Variants in TF observed in about 807,000 individuals in gnomAD.
TF encodes the protein transferrin, also known as serotransferrin.
Under a neutral mutation model 82.4 loss-of-function variants are expected in TF, and 55 were observed. The ratio of observed to expected loss-of-function variants is 0.67; its 90% CI spans 0.54 to 0.84. TF has a LOEUF of 0.84. TF is among the 40% of genes least tolerant of loss of function. The pLI, the probability that TF is intolerant of heterozygous loss-of-function variation, is 0.00. For synonymous variants in TF, 332 were observed against 332.6 expected (o/e 1.00, Z 0.02); for missense variants, 737 against 868.4 (o/e 0.85, Z 1.90).
the TF span, among the ~76,000 whole-genome samples, chr3:133,686,000 A>T: frequency 6.6e-5 from 10 of 152,212 alleles, no homozygotes; most frequent in Admixed American, 5.2e-4. Flanking sequence ...CAAAAGAGAG[A>T]TATAGACCAA....
At chr3:133,669,362 G>A in the TF span, among the ~76,000 whole-genome samples, 1 of 152,152 alleles carries the variant, frequency 6.6e-6, no homozygotes, top group Non-Finnish European at 1.5e-5. Flanking sequence ...GAGAAGGCTT[G>A]TCTAAAAGTC....
At chr3:133,737,201 G>A in the TF span, among the ~76,000 whole-genome samples, 3 of 152,194 alleles carry the variant, frequency 2.0e-5, no homozygotes, top group Non-Finnish European at 4.4e-5. Flanking sequence ...TGAGCAACCT[G>A]TTCCTGAATG....
chr3:133,699,206 T>G, the TF span, among the ~76,000 whole-genome samples: 3 of 152,234 alleles, frequency 2.0e-5, no homozygotes, highest in Admixed American at 2.0e-4. Flanking sequence ...AGCCAGGCAG[T>G]TGGAGGGCCC....
chr3:133,767,456 C>T (rs1281292443), intron 12 of TF, among the ~76,000 whole-genome samples: 1 of 152,186 alleles, frequency 6.6e-6, no homozygotes, highest in African/African-American at 2.4e-5. Flanking sequence ...TACCAGGGTG[C>T]TTTGTGACAC....
upstream of TF, chr3:133,745,866 T>C (rs760807532): frequency 1.8e-4 from 28 of 157,074 alleles, no homozygotes; most frequent in Non-Finnish European, 3.8e-4. Context: ...AGGAGCAGGA[T>C]TTCGAGGGAC....
chr3:133,685,910 A>G, the TF span, among the ~76,000 whole-genome samples: 5 of 152,242 alleles, frequency 3.3e-5, no homozygotes, highest in Non-Finnish European at 4.4e-5. Context: ...AGCGAAAAGA[A>G]CAAAGCTGGA....
chr3:133,685,079 A>G, the TF span, among the ~76,000 whole-genome samples: 6 of 152,230 alleles, frequency 3.9e-5, no homozygotes, highest in East Asian at 1.2e-3. Flanking sequence ...AATCCATCAT[A>G]TAAACAGAAC....
chr3:133,734,803 TAAA>T, the TF span, among the ~76,000 whole-genome samples: 3 of 145,174 alleles, frequency 2.1e-5, no homozygotes, highest in South Asian at 2.2e-4. Flanking sequence ...GAGAGTTTCT[TAAA>T]AAAAAAAAAA....
At chr3:133,713,977 G>A in the TF span, among the ~76,000 whole-genome samples, 1 of 152,234 alleles carries the variant, frequency 6.6e-6, no homozygotes, top group East Asian at 1.9e-4. Context: ...CCAACTGTAA[G>A]TGCTACTGAG....
the TF span, among the ~76,000 whole-genome samples, chr3:133,691,109 T>A: frequency 0.1 from 15,395 of 152,022 alleles, 809 homozygotes; most frequent in Middle Eastern, 0.18. Context: ...ATTCAGAAAA[T>A]CTCAAGTTGC....
At chr3:133,665,467 C>A in the TF span, among the ~76,000 whole-genome samples, 46 of 123,862 alleles carry the variant, frequency 3.7e-4, no homozygotes, top group Middle Eastern at 4.0e-3. Flanking sequence ...GACCCTATCT[C>A]AAAAAAAAAA....
the TF span, among the ~76,000 whole-genome samples, chr3:133,693,690 A>G: frequency 6.6e-6 from 1 of 152,152 alleles, no homozygotes; most frequent in South Asian, 2.1e-4. Flanking sequence ...AAGCTGTCCC[A>G]ACTTTTCCAG....
intron 2 of TF, among the ~76,000 whole-genome samples, chr3:133,752,237 C>A (rs1294836260): frequency 6.6e-6 from 1 of 151,856 alleles, no homozygotes; most frequent in Admixed American, 6.6e-5. Context: ...GTATTACAGG[C>A]ATGTGCCACC....
Position 133,748,576 on chromosome 3 carries a change from G to A in TF, c.208G>A (p.Ala70Thr), listed in dbSNP as rs1194602299. ...KKASYLDCIR[A>T]IAANEADAVT... ...AGCCTCCTACCTTGATTGCATCAGG[G>A]CCATTGCGGTAAGTCGCTGCTGCCT... The change falls in exon 2 of 17, where the codon GCC (alanine) becomes ACC (threonine). Residue 70 changes from alanine to threonine, a missense_variant. Transcript: ENST00000402696. The A allele has an allele frequency of 1.2e-6, 2 of 1,614,116 alleles. No homozygotes were observed. Among genetic ancestry groups the A allele is most frequent in the South Asian group, 1.1e-5 (1 of 91,084 alleles).
At chr3:133,759,723 G>T (rs763230924) in intron 9 of TF, among the ~76,000 whole-genome samples, 1 of 152,152 alleles carries the variant, frequency 6.6e-6, no homozygotes, top group Non-Finnish European at 1.5e-5. Context: ...TGGCATGGTG[G>T]CATGCACCTG....
chr3:133,727,054 T>G, the TF span, among the ~76,000 whole-genome samples: 85 of 152,358 alleles, frequency 5.6e-4, 1 homozygote, highest in African/African-American at 2.0e-3. Flanking sequence ...CTTTTACATT[T>G]GCTGAGAACT....
the TF span, among the ~76,000 whole-genome samples, chr3:133,703,022 C>T: frequency 1.3e-5 from 2 of 152,112 alleles, no homozygotes; most frequent in Non-Finnish European, 2.9e-5. Context: ...AATAATGAAA[C>T]ACTCATTTAA....
At position 133,767,886 on chromosome 3, in the gene TF, C is replaced by T. The variant is rs559792084; in HGVS notation, c.1487-143C>T. On this transcript the variant is annotated intron_variant, in intron 12 of 16. Transcript: ENST00000402696. The stretch of plus-strand genomic sequence containing the variant: ...TTCCCCTTTAAAGCCTATAGCCTGG[C>T]AAGTCCTGGGTTGGTGGTGGCTGGT... The T allele has an allele frequency of 4.1e-5, 41 of 1,000,004 alleles. No individual in the cohort carries two copies. In the Middle Eastern group the frequency reaches 1.0e-3, roughly 26 times the overall value. 61.9% of individuals were successfully genotyped at this position (1,000,004 alleles called of 1,614,324 possible). A position where few individuals can be genotyped will look rare whatever the true frequency, so the allele number is the denominator to read the frequency against.
chr3:133,759,360 T>G (rs779687949), intron 9 of TF, 31 bp downstream of exon 9: 1 of 1,611,430 alleles, frequency 6.2e-7, no homozygotes, highest in African/African-American at 1.3e-5. Flanking sequence ...TAGGGCAGCG[T>G]CCCTGTCATT....
Sources: gnomAD v4.1 joint callset for allele counts (sites outside exome capture counted in the v4.1 genomes callset) on GRCh38, gnomAD v4.1.1 for gene constraint, MANE v1.5 for transcripts, NCBI Gene and HGNC (gene_info 2026-07-23, HGNC 2026-07-21) for gene names.